The following IGSF21 variants were observed in gnomAD, a reference collection of about 807,000 sequenced individuals.
IGSF21 encodes immunoglobulin superfamily member 21.
In IGSF21, 28 loss-of-function variants were observed where a neutral mutation model predicts 46.8. That is an observed-to-expected ratio of 0.60 (90% CI 0.44 to 0.82). IGSF21 has a LOEUF of 0.82. IGSF21 is among the 40% of genes least tolerant of loss of function. IGSF21 has a pLI of 0.00. For missense variants in IGSF21, 624 were observed against 665.5 expected (o/e 0.94, Z 0.69); for synonymous variants, 284 against 273.6 (o/e 1.04, Z -0.38).
At chr1:18,370,597 T>A (rs2086215141) in intron 6 of IGSF21, among the ~76,000 whole-genome samples, 2 of 150,226 alleles carry the variant, frequency 1.3e-5, no homozygotes, top group African/African-American at 2.4e-5. Context: ...ATAAATTGAA[T>A]TTGGTAAATT....
chr1:18,222,079 T>C (rs529707110), intron 1 of IGSF21, among the ~76,000 whole-genome samples: 1 of 152,248 alleles, frequency 6.6e-6, no homozygotes, highest in East Asian at 1.9e-4. Flanking sequence ...TCCTCTGCTC[T>C]TCACCGCTGT....
chr1:18,200,719 A>G (rs4920459), intron 1 of IGSF21, among the ~76,000 whole-genome samples: 65,795 of 152,068 alleles, frequency 0.43, 14,824 homozygotes, highest in Middle Eastern at 0.51. Flanking sequence ...TTAGGATTTC[A>G]ATGTATCTTT....
chr1:18,308,492 T>A (rs1287267591), intron 3 of IGSF21, among the ~76,000 whole-genome samples: 2 of 152,158 alleles, frequency 1.3e-5, no homozygotes, highest in Non-Finnish European at 2.9e-5. Flanking sequence ...CCTGTACGGT[T>A]TAAATATCTT....
chr1:18,359,387 G>GAAAGAAAGAA (rs1557659651), intron 4 of IGSF21, among the ~76,000 whole-genome samples: 1 of 33,858 alleles, frequency 3.0e-5, no homozygotes, highest in Non-Finnish European at 5.9e-5. Context: ...AGAAAGAAAG[G>GAAAGAAAGAA]AAGGAAGGAA....
In IGSF21 at chr1:18,129,428, C is replaced by G. The variant is rs139419582; in HGVS notation, c.70+21230C>G. The stretch of plus-strand genomic sequence containing the variant: ...GATGCAGTTCTCTCATGTGCCCCCT[C>G]TAGCTCCTCCCCATGAATAAGGGCT... On this transcript the variant is annotated intron_variant, in intron 1 of 9. Transcript: ENST00000251296. 3.0e-3 allele frequency among the ~76,000 whole-genome samples: 450 copies of G among 152,312 alleles called. 4 individuals are homozygous for G. Among genetic ancestry groups the G allele is most frequent in the Admixed American group, 5.1e-3 (78 of 15,304 alleles).
rs2086292241 is a variant in IGSF21 at position 18,377,241 on chromosome 1, G to A, written c.1295-152G>A. On this transcript the variant is annotated intron_variant, in intron 8 of 9. Coordinates refer to ENST00000251296, the MANE Select transcript of IGSF21 (RefSeq NM_032880.5). ...CTCACTTTCTCCATCTGCAAAATGG[G>A]GCTGATACTATCCAGCTCCCCTGAA... 7.1e-6 allele frequency: 6 copies of A among 845,530 alleles called. No individual in the cohort carries two copies. In the East Asian group the frequency reaches 1.4e-4, roughly 20 times the overall value. 52.4% of individuals were successfully genotyped at this position (845,530 alleles called of 1,614,324 possible). A position where few individuals can be genotyped will look rare whatever the true frequency, so the allele number is the denominator to read the frequency against.
At chr1:18,329,133 G>A (rs1348718645) in intron 3 of IGSF21, among the ~76,000 whole-genome samples, 1 of 152,166 alleles carries the variant, frequency 6.6e-6, no homozygotes, top group Non-Finnish European at 1.5e-5. Flanking sequence ...GCTGATAAAG[G>A]AAGATCTGGG....
At chr1:18,377,351 G>A in intron 8 of IGSF21, 42 bp from the exon 9 acceptor site, 1 of 1,588,004 alleles carries the variant, frequency 6.3e-7, no homozygotes, top group East Asian at 2.2e-5. Flanking sequence ...GAGCTCTGAA[G>A]GCCATCCACC....
intron 5 of IGSF21, among the ~76,000 whole-genome samples, chr1:18,364,787 T>C (rs1465247794): frequency 6.6e-6 from 1 of 152,060 alleles, no homozygotes; most frequent in Non-Finnish European, 1.5e-5. Context: ...CCCGGTGCCT[T>C]CCATTTTTCC....
At chr1:18,186,146 C>T (rs1409031639) in intron 1 of IGSF21, among the ~76,000 whole-genome samples, 2 of 152,146 alleles carry the variant, frequency 1.3e-5, no homozygotes, top group Non-Finnish European at 2.9e-5. Flanking sequence ...CAGACACTTG[C>T]TGTGTTGGAA....
rs1229016681 is a variant in IGSF21, at chr1:18,376,782, C to G, written c.1102-18C>G. The stretch of plus-strand genomic sequence containing the variant: ...TGGGCCCTCCTGTGACCCACCTCTC[C>G]CCTGATCTGGCCAACAGAACGAAGT... On this transcript the variant is annotated intron_variant, in intron 7 of 9. Coordinates refer to ENST00000251296, the MANE Select transcript of IGSF21 (RefSeq NM_032880.5). 12 of 1,570,610 alleles carry G rather than the reference C, an allele frequency of 7.6e-6. No homozygotes were observed. The highest frequency in any genetic ancestry group is 1.0e-5 in the Non-Finnish European group (12 of 1,152,902).
rs1286721462 is a variant in IGSF21 at position 18,337,146 on chromosome 1, GAC to G, written c.424+2139_424+2140del. The stretch of plus-strand genomic sequence containing the variant: ...CCATCCTACACTCCCTCCCAGCTCT[GAC>G]ACTTCTGAGTCCCTTACTCCATCCA... On this transcript the variant is annotated intron_variant, in intron 4 of 9. Coordinates refer to ENST00000251296, the MANE Select transcript of IGSF21 (RefSeq NM_032880.5). The surrounding 1 kb of genome is among the most constrained non-coding windows in gnomAD (Gnocchi z 5.7). Among the ~76,000 whole-genome samples the G allele has an allele frequency of 6.6e-6, 1 of 152,098 alleles. No homozygotes were observed. Among genetic ancestry groups the G allele is most frequent in the Non-Finnish European group, 1.5e-5 (1 of 68,022 alleles).
intron 1 of IGSF21, among the ~76,000 whole-genome samples, chr1:18,166,385 G>T (rs1174495360): frequency 2.0e-5 from 3 of 152,092 alleles, no homozygotes; most frequent in African/African-American, 7.2e-5. Context: ...GGTGTGATGG[G>T]CTTTGGAGTC....
At chr1:18,118,727 G>GGGGAGC (rs1315532728) in intron 1 of IGSF21, among the ~76,000 whole-genome samples, 1 of 152,148 alleles carries the variant, frequency 6.6e-6, no homozygotes, top group Non-Finnish European at 1.5e-5. Flanking sequence ...TTGCCTGGCT[G>GGGGAGC]GGGAGCTTTT....
intron 1 of IGSF21, among the ~76,000 whole-genome samples, chr1:18,205,545 A>G (rs2084310478): frequency 6.6e-6 from 1 of 152,170 alleles, no homozygotes; most frequent in African/African-American, 2.4e-5. Flanking sequence ...AGCATGACTC[A>G]AACAACCCAT....
chr1:18,193,903 C>T (rs1351525174), intron 1 of IGSF21, among the ~76,000 whole-genome samples: 1 of 152,084 alleles, frequency 6.6e-6, no homozygotes, highest in Non-Finnish European at 1.5e-5. Flanking sequence ...GGAGTTTCCC[C>T]CTGAGTGTGT....
intron 2 of IGSF21, among the ~76,000 whole-genome samples, chr1:18,239,288 C>T (rs1287373699): frequency 6.6e-6 from 1 of 152,174 alleles, no homozygotes; most frequent in Non-Finnish European, 1.5e-5. Flanking sequence ...GGATGTTTCC[C>T]AGCTCAGACT....
rs772778666 is a variant in IGSF21, at chr1:18,377,383, T to C, written c.1295-10T>C. 8.1e-6 allele frequency: 13 copies of C among 1,612,320 alleles called. No individual in the cohort carries two copies. The East Asian group carries it at 2.9e-4, about 36-fold the overall frequency. ...CACCCTTTGGTTCTCTTTCTGTTTC[T>C]TTCCAACAGAAAACCCAAATATCCC... is the stretch of plus-strand genomic sequence containing the variant. On this transcript the variant is annotated splice_polypyrimidine_tract_variant and intron_variant, in intron 8 of 9. Coordinates refer to ENST00000251296, the MANE Select transcript of IGSF21 (RefSeq NM_032880.5).
intron 3 of IGSF21, among the ~76,000 whole-genome samples, chr1:18,301,506 A>C (rs550990455): frequency 6.6e-6 from 1 of 151,918 alleles, no homozygotes; most frequent in Non-Finnish European, 1.5e-5. Context: ...CACCTGGCCA[A>C]TTTTTTGTAT....
Sources: allele counts gnomAD v4.1 joint callset (sites outside exome capture counted in the v4.1 genomes callset), GRCh38; gene constraint gnomAD v4.1.1; non-coding constraint Gnocchi (gnomAD v3.1); transcripts MANE v1.5; gene names NCBI Gene and HGNC (gene_info 2026-07-23, HGNC 2026-07-21).